The following MIGA2 variants were observed in gnomAD, a reference collection of about 807,000 sequenced individuals.
The protein encoded by MIGA2 is mitoguardin 2, also known as family with sequence similarity 73, member B.
In MIGA2, 36 loss-of-function variants were observed where a neutral mutation model predicts 69.9. The observed-to-expected ratio is 0.52, with a 90% confidence interval of 0.39 to 0.68. The LOEUF (loss-of-function observed/expected upper bound fraction) is 0.68. MIGA2 is among the 30% of genes least tolerant of loss of function. The probability of loss-of-function intolerance (pLI) is 0.00; values close to 1 mark genes in which losing one functional copy is unlikely to be tolerated. For missense variants in MIGA2, 660 were observed against 787.7 expected (o/e 0.84, Z 1.94); for synonymous variants, 333 against 349.2 (o/e 0.95, Z 0.52).
chr9:129,056,384 A>G (rs939670738), intron 6 of MIGA2, among the ~76,000 whole-genome samples: 1 of 152,130 alleles, frequency 6.6e-6, no homozygotes, highest in Non-Finnish European at 1.5e-5. Context: ...CTGTCTGTCA[A>G]GGGAAATAAG....
Position 129,068,225 on chromosome 9 carries a change from G to A in MIGA2, c.1297G>A (p.Val433Met), listed in dbSNP as rs375362119. ...GVVCMSFFDI[V>M]LDFILMDAFE... ...GGTATGCATGAGCTTCTTCGACATC[G>A]TGCTGGACTTCATCCTCATGGACGC... Residue 433 changes from valine to methionine, a missense_variant, in exon 13 of 16, where the codon GTG becomes ATG. Coordinates refer to ENST00000684074, the MANE Select transcript of MIGA2 (RefSeq NM_001329990.2). This position sits in a 1 kb window ranked among gnomAD's most constrained non-coding sequence, Gnocchi z 4.1. 6.8e-6 allele frequency: 11 copies of A among 1,613,700 alleles called. No homozygotes were observed. The highest frequency in any genetic ancestry group is 3.3e-5 in the Admixed American group (2 of 60,010).
intron 3 of MIGA2, among the ~76,000 whole-genome samples, chr9:129,046,571 C>T (rs940403753): frequency 6.6e-6 from 1 of 151,478 alleles, no homozygotes; most frequent in African/African-American, 2.4e-5. Flanking sequence ...AGTTCTCATG[C>T]TTCAGCCTCC....
intron 10 of MIGA2, 75 bp downstream of exon 10, chr9:129,063,391 A>T (rs993181260): frequency 8.2e-5 from 129 of 1,577,936 alleles, no homozygotes; most frequent in Non-Finnish European, 1.0e-4. Flanking sequence ...TGTGGCATGT[A>T]TGTGGCCTCC....
At chr9:129,038,572 T>TTA (rs1844719843) in intron 1 of MIGA2, among the ~76,000 whole-genome samples, 2 of 152,094 alleles carry the variant, frequency 1.3e-5, no homozygotes, top group South Asian at 4.1e-4. Flanking sequence ...TGCCCAGTAC[T>TTA]CTGTGGTCTG....
In MIGA2 at chr9:129,068,966, T is replaced by A; in HGVS notation, c.1405-110T>A. On this transcript the variant is annotated intron_variant, in intron 13 of 15. Transcript: ENST00000684074. The surrounding 1 kb of genome is among the most constrained non-coding windows in gnomAD (Gnocchi z 4.1). Reference sequence around the variant, plus strand: ...TAGGCACCTGGCCCCATCTTCCTGCTTGGAGTGGGGTGAGCTGGGTTTAAG... The same window carrying A: ...TAGGCACCTGGCCCCATCTTCCTGCATGGAGTGGGGTGAGCTGGGTTTAAG... 7.9e-7 allele frequency: 1 copy of A among 1,263,296 alleles called. No homozygotes were observed. The highest frequency in any genetic ancestry group is 1.7e-5 in the Admixed American group (1 of 58,042). The allele number at this position is 1,263,296 out of a possible 1,614,324, so 78.3% of individuals were successfully genotyped here.
Position 129,069,430 on chromosome 9 carries a change from T to TCATTA in MIGA2, c.1458+301_1458+302insCATTA. The TCATTA allele has an allele frequency of 1.9e-6, 1 of 540,080 alleles. No individual in the cohort carries two copies. The highest frequency in any genetic ancestry group is 3.3e-6 in the Non-Finnish European group (1 of 299,816). The allele number at this position is 540,080 out of a possible 1,614,324, so 33.5% of individuals were successfully genotyped here. ...TGCAGGCGTCTCGGTGGGGGCAGGA[T>TCATTA]ACCCAGGAGCAAGCAGAGCCCTGTC... On this transcript the variant is annotated intron_variant, in intron 14 of 15. Transcript: ENST00000684074. This position sits in a 1 kb window ranked among gnomAD's most constrained non-coding sequence, Gnocchi z 4.9.
In MIGA2 at chr9:129,070,442, G is replaced by T. The variant is rs773356307; in HGVS notation, c.1771G>T (p.Glu591Ter). The T allele has an allele frequency of 6.3e-7, 1 of 1,584,976 alleles. No homozygotes were observed. The highest frequency in any genetic ancestry group is 1.7e-5 in the Admixed American group (1 of 57,696). The change falls in exon 16 of 16, where the codon GAG (glutamate) becomes TAG (stop). Residue 591 changes from glutamate (E) to a stop codon, truncating the protein, a stop_gained. Transcript: ENST00000684074. LOFTEE classifies it high-confidence loss of function. ...ALPRENGPLG[E>*]LQ ...GCCCCGAGAGAATGGGCCCCTGGGGGAGCTGCAGTAGAGGCGGCACGGGCT... is the reference window on the plus strand; with the variant it reads ...GCCCCGAGAGAATGGGCCCCTGGGGTAGCTGCAGTAGAGGCGGCACGGGCT...
chr9:129,062,206 A>G (rs1389823465), intron 9 of MIGA2, among the ~76,000 whole-genome samples: 1 of 150,848 alleles, frequency 6.6e-6, no homozygotes, highest in Non-Finnish European at 1.5e-5. Context: ...CTTTTTGATC[A>G]TGGCTTGCAG....
rs745584990 is a variant in MIGA2 at position 129,049,488 on chromosome 9, G to A, written c.528G>A (p.Leu176=). The change falls in exon 5 of 16, where the codon CTG becomes CTA. Residue 176 remains leucine, a synonymous_variant. Coordinates refer to ENST00000684074, the MANE Select transcript of MIGA2 (RefSeq NM_001329990.2). ...CCAGCGACGGCAATGCAGAGAGCCT[G>A]TACATGCAAGGTGTGGCCAGGAGGT... ...LTTSDGNAES[L]YMQGMELFEE... 2 of 1,613,296 alleles carry A rather than the reference G, an allele frequency of 1.2e-6. No individual in the cohort carries two copies. Among genetic ancestry groups the A allele is most frequent in the South Asian group, 1.1e-5 (1 of 90,796 alleles).
At chr9:129,050,574 T>C (rs1044086198) in intron 6 of MIGA2, among the ~76,000 whole-genome samples, 1 of 137,094 alleles carries the variant, frequency 7.3e-6, no homozygotes, top group African/African-American at 2.7e-5. Flanking sequence ...TACCCAGCTG[T>C]TTTTTTTTTT....
In MIGA2 at chr9:129,068,156, C is replaced by T; in HGVS notation, c.1270-42C>T. 1 of 1,613,216 alleles carries T rather than the reference C, an allele frequency of 6.2e-7. No individual in the cohort carries two copies. Among genetic ancestry groups the T allele is most frequent in the Non-Finnish European group, 8.5e-7 (1 of 1,179,860 alleles). On this transcript the variant is annotated intron_variant, in intron 12 of 15. Coordinates refer to ENST00000684074, the MANE Select transcript of MIGA2 (RefSeq NM_001329990.2). The surrounding 1 kb of genome is among the most constrained non-coding windows in gnomAD (Gnocchi z 4.1). ...CTGGAAAGTGGCCCCGAGGCTCCGG[C>T]AGTGCCCCCATGCATGAGCCTCCCG...
Position 129,070,559 on chromosome 9 carries a change from C to G in MIGA2, c.*106C>G, listed in dbSNP as rs557662084. The stretch of plus-strand genomic sequence containing the variant: ...AGGGCCGTTGCCCCTGACTTTGCCC[C>G]ACCCCCATCATCTGGGAGTCCCCAA... On this transcript the variant is annotated 3_prime_UTR_variant, in exon 16 of 16. Coordinates refer to ENST00000684074, the MANE Select transcript of MIGA2 (RefSeq NM_001329990.2). The G allele has an allele frequency of 1.6e-6, 2 of 1,260,646 alleles. No individual in the cohort carries two copies. The highest frequency in any genetic ancestry group is 3.1e-5 in the South Asian group (2 of 64,594). The allele number at this position is 1,260,646 out of a possible 1,614,324, so 78.1% of individuals were successfully genotyped here.
At chr9:129,052,187 G>A (rs1397283193) in intron 6 of MIGA2, among the ~76,000 whole-genome samples, 3 of 151,454 alleles carry the variant, frequency 2.0e-5, no homozygotes, top group East Asian at 2.0e-4. Flanking sequence ...GTGCAGTGGC[G>A]TGATCTTGGC....
Position 129,059,281 on chromosome 9 carries a change from G to T in MIGA2, c.793+10G>T. Reference sequence around the variant, plus strand: ...ATGCTGCTAGACCTCGGTGAGCTGGGCCCAGTGCAGGTGGGGTGGGCGTGG... The same window carrying T: ...ATGCTGCTAGACCTCGGTGAGCTGGTCCCAGTGCAGGTGGGGTGGGCGTGG... On this transcript the variant is annotated intron_variant, in intron 7 of 15. Transcript: ENST00000684074. The surrounding 1 kb of genome is among the most constrained non-coding windows in gnomAD (Gnocchi z 5.6). 1 of 1,560,008 alleles carries T rather than the reference G, an allele frequency of 6.4e-7. No individual in the cohort carries two copies. The highest frequency in any genetic ancestry group is 1.4e-5 in the African/African-American group (1 of 73,664).
chr9:129,038,625 G>A (rs1412384345), intron 1 of MIGA2, among the ~76,000 whole-genome samples: 1 of 152,186 alleles, frequency 6.6e-6, no homozygotes, highest in Non-Finnish European at 1.5e-5. Context: ...TTTAGCAAAA[G>A]CATTGTACTG....
chr9:129,042,007 C>G, intron 2 of MIGA2: 1 of 413,262 alleles, frequency 2.4e-6, no homozygotes, highest in South Asian at 3.0e-5. Context: ...TAGTGCAGTG[C>G]CGGGCACAGC....
In MIGA2 at chr9:129,069,807, A is replaced by G; in HGVS notation, c.1459-42A>G. ...CACCTGGGCCTGGTGCCCTCATCCTACCTGGGCCCCGCCTGGCCCCTCAGC... is the reference window on the plus strand; with the variant it reads ...CACCTGGGCCTGGTGCCCTCATCCTGCCTGGGCCCCGCCTGGCCCCTCAGC... On this transcript the variant is annotated intron_variant, in intron 14 of 15. Transcript: ENST00000684074. This position sits in a 1 kb window ranked among gnomAD's most constrained non-coding sequence, Gnocchi z 4.9. The G allele has an allele frequency of 2.8e-6, 4 of 1,428,802 alleles. No homozygotes were observed. The highest frequency in any genetic ancestry group is 3.9e-6 in the Non-Finnish European group (4 of 1,012,932). 88.5% of individuals were successfully genotyped at this position (1,428,802 alleles called of 1,614,324 possible).
rs1031712745 is a variant in MIGA2, at chr9:129,062,589, A to T, written c.1011-655A>T. On this transcript the variant is annotated intron_variant, in intron 9 of 15. Coordinates refer to ENST00000684074, the MANE Select transcript of MIGA2 (RefSeq NM_001329990.2). Reference sequence around the variant, plus strand: ...CCAGGCGCCATGACTCACACCTGTAATCCCAGCACTTTGCGAGGCCAAAGC... The same window carrying T: ...CCAGGCGCCATGACTCACACCTGTATTCCCAGCACTTTGCGAGGCCAAAGC... Among the ~76,000 whole-genome samples the T allele has an allele frequency of 5.3e-5, 8 of 151,862 alleles. No homozygotes were observed. In the East Asian group the frequency reaches 1.2e-3, roughly 22 times the overall value.
At chr9:129,045,160 A>AC (rs1349685474) in intron 3 of MIGA2, among the ~76,000 whole-genome samples, 3 of 151,128 alleles carry the variant, frequency 2.0e-5, no homozygotes, top group African/African-American at 7.3e-5. Flanking sequence ...CAAAAAAAAA[A>AC]AAAAAACGAA....
Sources: gnomAD v4.1 joint callset for allele counts (sites outside exome capture counted in the v4.1 genomes callset) on GRCh38, gnomAD v4.1.1 for gene constraint, Gnocchi (gnomAD v3.1) non-coding constraint, MANE v1.5 for transcripts, NCBI Gene and HGNC (gene_info 2026-07-23, HGNC 2026-07-21) for gene names.